Variants in CLVS1 observed in about 807,000 individuals in gnomAD.
The protein encoded by CLVS1 is clavesin 1.
CLVS1 carries 10 observed loss-of-function variants against 33.1 expected under a neutral mutation model. The observed-to-expected ratio is 0.30, with a 90% confidence interval of 0.19 to 0.51. CLVS1 has a LOEUF of 0.51. Ranked by LOEUF, CLVS1 falls within the 20% of genes least tolerant of loss-of-function variation. The pLI, the probability that CLVS1 is intolerant of heterozygous loss-of-function variation, is 0.97. For missense variants in CLVS1, 343 were observed against 433.4 expected (o/e 0.79, Z 1.85); for synonymous variants, 163 against 166.1 (o/e 0.98, Z 0.14).
chr8:61,256,429 C>G (rs920122351), intron 2 of CLVS1, among the ~76,000 whole-genome samples: 3 of 152,142 alleles, frequency 2.0e-5, no homozygotes, highest in African/African-American at 7.2e-5. Flanking sequence ...AGGAGAATGG[C>G]GTGAACCCAG....
At position 61,330,923 on chromosome 8, in the gene CLVS1, CAA is replaced by C. The variant is rs60789347; in HGVS notation, c.455+30655_455+30656del. On this transcript the variant is annotated intron_variant, in intron 2 of 5. Transcript: ENST00000325897. ...TGGGCAACATACTGAAGCCCCATTT[CAA>C]AAAAAAAAAAAAATTAGCTAGGCAT... Among the ~76,000 whole-genome samples, 31 of 124,588 alleles carry C rather than the reference CAA, an allele frequency of 2.5e-4. No homozygotes were observed. The South Asian group carries it at 6.1e-3, about 24-fold the overall frequency. 81.7% of individuals were successfully genotyped at this position (124,588 alleles called of 152,430 possible).
At chr8:61,304,096 A>G (rs1810528901) in intron 2 of CLVS1, among the ~76,000 whole-genome samples, 1 of 152,206 alleles carries the variant, frequency 6.6e-6, no homozygotes, top group South Asian at 2.1e-4. Flanking sequence ...AAAGGCTGAC[A>G]CAGCTTTGCA....
intron 3 of CLVS1, among the ~76,000 whole-genome samples, chr8:61,390,401 T>C (rs1814256802): frequency 6.6e-6 from 1 of 152,240 alleles, no homozygotes; most frequent in East Asian, 1.9e-4. Flanking sequence ...ACATGAAGAA[T>C]TCTTTAGCTA....
At chr8:61,124,326 G>A (rs748003846) in intron 1 of CLVS1, among the ~76,000 whole-genome samples, 5 of 152,170 alleles carry the variant, frequency 3.3e-5, no homozygotes, top group Non-Finnish European at 7.3e-5. Context: ...TGAGATTCCA[G>A]GATTTGTTAC....
At chr8:61,454,320 CCT>C in intron 4 of CLVS1, 69 bp downstream of exon 4, 1 of 1,068,914 alleles carries the variant, frequency 9.4e-7, no homozygotes, top group African/African-American at 1.6e-5. Flanking sequence ...TCTCTCCCCT[CCT>C]CTCTCCTTTC....
intron 2 of CLVS1, among the ~76,000 whole-genome samples, chr8:61,209,804 C>A (rs538909570): frequency 6.7e-6 from 1 of 148,364 alleles, no homozygotes; most frequent in South Asian, 2.2e-4. Context: ...TTCAAAGATG[C>A]CACCAATATC....
chr8:61,122,176 C>T, intron 1 of CLVS1, among the ~76,000 whole-genome samples: 1 of 152,212 alleles, frequency 6.6e-6, no homozygotes, highest in East Asian at 1.9e-4. Context: ...GATTTAGTTA[C>T]TCTCAAGCTG....
intron 1 of CLVS1, among the ~76,000 whole-genome samples, chr8:61,072,173 C>T (rs370611585): frequency 1.3e-5 from 2 of 152,312 alleles, no homozygotes; most frequent in Admixed American, 1.3e-4. Flanking sequence ...CCTGGCTCCT[C>T]CTTTGCTTTC....
chr8:61,247,858 T>C (rs1808851059), intron 2 of CLVS1, among the ~76,000 whole-genome samples: 1 of 152,174 alleles, frequency 6.6e-6, no homozygotes, highest in Non-Finnish European at 1.5e-5. Flanking sequence ...AAATTTTGCT[T>C]ATTCCTAGGT....
intron 2 of CLVS1, among the ~76,000 whole-genome samples, chr8:61,281,820 G>A (rs1585745815): frequency 6.6e-6 from 1 of 152,138 alleles, no homozygotes; most frequent in East Asian, 1.9e-4. Context: ...GATCATTTTG[G>A]ACACTCCAGC....
chr8:61,192,401 T>C (rs1446406382), intron 2 of CLVS1, among the ~76,000 whole-genome samples: 1 of 152,066 alleles, frequency 6.6e-6, no homozygotes, highest in African/African-American at 2.4e-5. Context: ...ACTTAAACGT[T>C]AAACCTAAAA....
At chr8:61,260,201 A>G (rs776808090) in intron 2 of CLVS1, among the ~76,000 whole-genome samples, 3 of 152,142 alleles carry the variant, frequency 2.0e-5, no homozygotes, top group East Asian at 3.9e-4. Context: ...GCTTATTTGC[A>G]TGCCATTCAG....
chr8:61,183,648 G>A (rs2129301103), intron 2 of CLVS1, among the ~76,000 whole-genome samples: 1 of 152,218 alleles, frequency 6.6e-6, no homozygotes, highest in African/African-American at 2.4e-5. Flanking sequence ...TAGCCCCCAA[G>A]GAAGAAGCCT....
intron 2 of CLVS1, among the ~76,000 whole-genome samples, chr8:61,238,493 G>T (rs1808617647): frequency 6.6e-6 from 1 of 152,116 alleles, no homozygotes; most frequent in African/African-American, 2.4e-5. Flanking sequence ...GGCTGTTCTG[G>T]GCCTGAGCTG....
At chr8:61,262,188 A>C (rs1318135306) in intron 2 of CLVS1, among the ~76,000 whole-genome samples, 1 of 152,118 alleles carries the variant, frequency 6.6e-6, no homozygotes, top group East Asian at 1.9e-4. Context: ...CTAATTAAAA[A>C]ACAATTTTTT....
chr8:61,183,710 T>G (rs1228698013), intron 2 of CLVS1, among the ~76,000 whole-genome samples: 2 of 152,166 alleles, frequency 1.3e-5, no homozygotes, highest in Non-Finnish European at 2.9e-5. Context: ...TCTTAGCATT[T>G]GCAACTCCTA....
At chr8:61,098,642 T>C (rs1401285383) in intron 1 of CLVS1, among the ~76,000 whole-genome samples, 2 of 152,110 alleles carry the variant, frequency 1.3e-5, no homozygotes, top group South Asian at 2.1e-4. Context: ...GGAGGCAAGA[T>C]GATTAACCCA....
chr8:61,067,532 C>T (rs1256369982), intron 1 of CLVS1, among the ~76,000 whole-genome samples: 3 of 150,824 alleles, frequency 2.0e-5, no homozygotes, highest in African/African-American at 4.9e-5. Flanking sequence ...GCTATGAGAG[C>T]ACAAGCAAAA....
chr8:61,143,361 C>G (rs958325548), intron 2 of CLVS1, among the ~76,000 whole-genome samples: 6 of 152,080 alleles, frequency 3.9e-5, no homozygotes, highest in Non-Finnish European at 5.9e-5. Flanking sequence ...GGGAATTTCC[C>G]CTGCAGAAAG....
Sources: allele counts gnomAD v4.1 joint callset (sites outside exome capture counted in the v4.1 genomes callset), GRCh38; gene constraint gnomAD v4.1.1; transcripts MANE v1.5; gene names NCBI Gene and HGNC (gene_info 2026-07-23, HGNC 2026-07-21).